The following SLC25A48 variants were observed in gnomAD, a reference collection of about 807,000 sequenced individuals.
The protein encoded by SLC25A48 is solute carrier family 25 member 48.
SLC25A48 carries 29 observed loss-of-function variants against 32.2 expected under a neutral mutation model. The ratio of observed to expected loss-of-function variants is 0.90; its 90% CI spans 0.67 to 1.23. The LOEUF (loss-of-function observed/expected upper bound fraction) is 1.23, where lower values mean the gene tolerates loss of function less well. Among genes scored for constraint, SLC25A48 ranks in the 50% most tolerant of loss-of-function variants. The probability of loss-of-function intolerance (pLI) is 0.00; values close to 1 mark genes in which losing one functional copy is unlikely to be tolerated. For synonymous variants in SLC25A48, 164 were observed against 172.3 expected, an observed-to-expected ratio of 0.95 and a Z score of 0.38; for missense variants, 399 against 422.7, an observed-to-expected ratio of 0.94 and a Z score of 0.49.
chr5:135,605,472 C>G (rs1223782246), intron 1 of SLC25A48, among the ~76,000 whole-genome samples: 1 of 152,190 alleles, frequency 6.6e-6, no homozygotes, highest in East Asian at 1.9e-4. Flanking sequence ...TGTGGTCTGC[C>G]TTTTCCAGGG....
In SLC25A48 at chr5:135,584,243, A is replaced by C. The variant is rs550864232; in HGVS notation, c.-849+4646A>C. On this transcript the variant is annotated intron_variant, in intron 1 of 10. Coordinates refer to the SLC25A48 transcript ENST00000646290. ...TTCCACCATCTATTCATCCAACAAC[A>C]CTCCCTTACAGGCAAGCATCTTTAT... Among the ~76,000 whole-genome samples, 7 of 152,098 alleles carry C rather than the reference A, an allele frequency of 4.6e-5. 1 individual carries two copies. The South Asian group carries it at 1.2e-3, about 27-fold the overall frequency.
At chr5:135,616,155 G>C (rs1160841103) in intron 1 of SLC25A48, among the ~76,000 whole-genome samples, 6 of 152,220 alleles carry the variant, frequency 3.9e-5, no homozygotes, top group African/African-American at 1.4e-4. Context: ...CCTCTACTAA[G>C]GCAATGCAGA....
chr5:135,725,881 C>A (rs1256784060), intron 3 of SLC25A48, among the ~76,000 whole-genome samples: 5 of 149,540 alleles, frequency 3.3e-5, no homozygotes, highest in African/African-American at 2.5e-5. Flanking sequence ...CTAGGGTTTT[C>A]AAAAAAAAAA....
intron 4 of SLC25A48, among the ~76,000 whole-genome samples, chr5:135,871,105 A>G (rs955225674): frequency 6.5e-5 from 8 of 123,576 alleles, no homozygotes; most frequent in Non-Finnish European, 1.4e-4. Context: ...ACACACACAC[A>G]CACACAGCAT....
upstream of SLC25A48, among the ~76,000 whole-genome samples, chr5:135,833,896 A>T (rs1022794616): frequency 6.6e-6 from 1 of 152,192 alleles, no homozygotes; most frequent in Admixed American, 6.5e-5. Flanking sequence ...GCCCAGTGGG[A>T]CAAGAGCAGG....
chr5:135,621,649 G>A (rs1203308720), intron 1 of SLC25A48, among the ~76,000 whole-genome samples: 1 of 152,120 alleles, frequency 6.6e-6, no homozygotes, highest in South Asian at 2.1e-4. Flanking sequence ...AATTGGTAAG[G>A]AAGGGTTATT....
At chr5:135,793,846 T>G (rs11242293) in intron 3 of SLC25A48, among the ~76,000 whole-genome samples, 99,124 of 151,408 alleles carry the variant, frequency 0.65, 34,408 homozygotes, top group Non-Finnish European at 0.77. Context: ...GGGATATTAT[T>G]TGTAATATCA....
In SLC25A48 at chr5:135,629,752, G is replaced by A. The variant is rs1752514290; in HGVS notation, c.-709+376G>A. ...GATCCTTCAACTCCCCATCCATCAT[G>A]GGTGGAGGGTTGCTCTCAGTGGTAG... On this transcript the variant is annotated intron_variant, in intron 2 of 10. Coordinates refer to the SLC25A48 transcript ENST00000646290. The surrounding 1 kb of genome is among the most constrained non-coding windows in gnomAD (Gnocchi z 4.8). 6.6e-6 allele frequency among the ~76,000 whole-genome samples: 1 copy of A among 152,210 alleles called. No homozygotes were observed. Among genetic ancestry groups the A allele is most frequent in the Non-Finnish European group, 1.5e-5 (1 of 68,038 alleles).
At chr5:135,836,873 T>TGGCACCAGAATCTGCCA (rs2126682367) in intron 1 of SLC25A48, among the ~76,000 whole-genome samples, 1 of 152,182 alleles carries the variant, frequency 6.6e-6, no homozygotes, top group African/African-American at 2.4e-5. Context: ...CCAGGCTGCC[T>TGGCACCAGAATCTGCCA]GGCACCAGAA....
chr5:135,826,007 G>A (rs955334332), intron 4 of SLC25A48: 1 of 152,360 alleles, frequency 6.6e-6, no homozygotes, highest in Non-Finnish European at 1.5e-5. Flanking sequence ...TGATTGCGGG[G>A]AGGCTCCCAG....
intron 3 of SLC25A48, among the ~76,000 whole-genome samples, chr5:135,769,750 G>T (rs1756352926): frequency 6.6e-6 from 1 of 151,522 alleles, no homozygotes; most frequent in South Asian, 2.1e-4. Flanking sequence ...CGCAGGACGT[G>T]TACACCCTCC....
At chr5:135,850,060 G>A (rs6871229) in intron 2 of SLC25A48, among the ~76,000 whole-genome samples, 7,690 of 152,246 alleles carry the variant, frequency 0.051, 424 homozygotes, top group African/African-American at 0.14. Flanking sequence ...TGGTTCTAGG[G>A]ACAAGAAGAG....
At chr5:135,776,918 C>T (rs2126616168) in intron 3 of SLC25A48, among the ~76,000 whole-genome samples, 1 of 152,030 alleles carries the variant, frequency 6.6e-6, no homozygotes, top group South Asian at 2.1e-4. Flanking sequence ...GCAAATATTG[C>T]AGGGGCTGCA....
intron 3 of SLC25A48, among the ~76,000 whole-genome samples, chr5:135,778,904 A>G (rs1756645633): frequency 7.2e-6 from 1 of 139,382 alleles, no homozygotes; most frequent in Non-Finnish European, 1.5e-5. Context: ...TATTACTCCC[A>G]ATATTGCAGG....
intron 3 of SLC25A48, among the ~76,000 whole-genome samples, chr5:135,640,287 A>G (rs1752800769): frequency 6.6e-6 from 1 of 152,210 alleles, no homozygotes; most frequent in African/African-American, 2.4e-5. Flanking sequence ...AATAGCAAGC[A>G]ATCTAACATA....
chr5:135,680,602 G>A (rs966721137), intron 3 of SLC25A48, among the ~76,000 whole-genome samples: 1 of 152,190 alleles, frequency 6.6e-6, no homozygotes, highest in Admixed American at 6.5e-5. Flanking sequence ...AAGAGCAAAG[G>A]CACATCTTAC....
chr5:135,880,190 G>A (rs1196305245), intron 7 of SLC25A48, 93 bp downstream of exon 7: 1 of 1,452,610 alleles, frequency 6.9e-7, no homozygotes, highest in Non-Finnish European at 9.1e-7. Flanking sequence ...CTTCTGAAAT[G>A]TCCTGTTGTT....
At chr5:135,623,635 G>T (rs1353193788) in intron 1 of SLC25A48, among the ~76,000 whole-genome samples, 1 of 152,150 alleles carries the variant, frequency 6.6e-6, no homozygotes, top group African/African-American at 2.4e-5. Flanking sequence ...TTCCCCATTG[G>T]TAATAGTACC....
upstream of SLC25A48, among the ~76,000 whole-genome samples, chr5:135,830,985 C>T (rs146559141): frequency 9.6e-3 from 1,462 of 152,224 alleles, 22 homozygotes; most frequent in Non-Finnish European, 9.3e-3. Flanking sequence ...CAGGTCGTGA[C>T]CTCCTGTGAG....
Sources: allele counts gnomAD v4.1 joint callset (sites outside exome capture counted in the v4.1 genomes callset), GRCh38; gene constraint gnomAD v4.1.1; non-coding constraint Gnocchi (gnomAD v3.1); transcripts MANE v1.5; gene names NCBI Gene and HGNC (gene_info 2026-07-23, HGNC 2026-07-21).